ZMAT4: variants seen among roughly 807,000 people sequenced by gnomAD.
ZMAT4 encodes the protein zinc finger matrin-type protein 4.
ZMAT4 carries 17 observed loss-of-function variants against 28.7 expected under a neutral mutation model. The observed-to-expected ratio is 0.59, with a 90% confidence interval of 0.41 to 0.89. The LOEUF (loss-of-function observed/expected upper bound fraction) is 0.89, where lower values mean the gene tolerates loss of function less well. Ranked by LOEUF, ZMAT4 falls within the 40% of genes least tolerant of loss-of-function variation. The probability of loss-of-function intolerance (pLI) is 0.00; values close to 1 mark genes in which losing one functional copy is unlikely to be tolerated. For missense variants in ZMAT4, 240 were observed against 283.8 expected, an observed-to-expected ratio of 0.85 and a Z score of 1.11; for synonymous variants, 117 against 109.2, an observed-to-expected ratio of 1.07 and a Z score of -0.44.
intron 6 of ZMAT4, among the ~76,000 whole-genome samples, chr8:40,564,739 G>T (rs948775788): frequency 7.9e-5 from 12 of 152,134 alleles, no homozygotes; most frequent in African/African-American, 2.4e-4. Flanking sequence ...GATATTCATT[G>T]ATTTTAGTCA....
chr8:40,648,482 C>G lies in ZMAT4; in HGVS notation c.577+26222G>C, dbSNP rs187879055. Among the ~76,000 whole-genome samples the G allele has an allele frequency of 4.8e-3, 731 of 151,276 alleles. 7 individuals carry two copies. The highest frequency in any genetic ancestry group is 0.017 in the African/African-American group (691 of 41,206). On this transcript the variant is annotated intron_variant, in intron 5 of 6. Transcript: ENST00000297737. ...CGGAAAGTGATGGGGAGAATGGAACCAAGTTGGAAAACACGCTGCAGGATA... is the reference window on the plus strand; with the variant it reads ...CGGAAAGTGATGGGGAGAATGGAACGAAGTTGGAAAACACGCTGCAGGATA...
At chr8:40,629,206 A>T (rs1391735212) in intron 5 of ZMAT4, among the ~76,000 whole-genome samples, 1 of 151,750 alleles carries the variant, frequency 6.6e-6, no homozygotes, top group Non-Finnish European at 1.5e-5. Flanking sequence ...GTGAGTAAAA[A>T]ATTGATTTGT....
intron 6 of ZMAT4, among the ~76,000 whole-genome samples, chr8:40,534,976 T>A (rs898053178): frequency 6.6e-5 from 10 of 151,996 alleles, no homozygotes; most frequent in African/African-American, 2.4e-4. Flanking sequence ...AGCCACTGCG[T>A]CCGGCCCACA....
chr8:40,603,573 T>C (rs1264874167), intron 5 of ZMAT4, among the ~76,000 whole-genome samples: 1 of 152,208 alleles, frequency 6.6e-6, no homozygotes, highest in Non-Finnish European at 1.5e-5. Flanking sequence ...GATAGGTGTT[T>C]CCATTTGTTT....
At chr8:40,707,422 A>G (rs1035227584) in intron 3 of ZMAT4, among the ~76,000 whole-genome samples, 1 of 152,172 alleles carries the variant, frequency 6.6e-6, no homozygotes, top group Admixed American at 6.5e-5. Context: ...CTGTAAGTGT[A>G]TTGGATATCA....
At chr8:40,647,777 C>T (rs936822510) in intron 5 of ZMAT4, among the ~76,000 whole-genome samples, 19 of 151,338 alleles carry the variant, frequency 1.3e-4, no homozygotes, top group Non-Finnish European at 1.6e-4. Flanking sequence ...CCCTGACCCC[C>T]GAGCAGCCTA....
At position 40,713,032 on chromosome 8, in the gene ZMAT4, G is replaced by A. The variant is rs562244054; in HGVS notation, c.193-15631C>T. Among the ~76,000 whole-genome samples the A allele has an allele frequency of 7.9e-5, 12 of 151,968 alleles. No homozygotes were observed. In the East Asian group the frequency reaches 2.3e-3, roughly 29 times the overall value. Reference sequence around the variant, plus strand: ...TAAGATAATTTTGAAAATCAAAAATGAGAAGTGGTTGTAGTCTGAAATGTG... The same window carrying A: ...TAAGATAATTTTGAAAATCAAAAATAAGAAGTGGTTGTAGTCTGAAATGTG... On this transcript the variant is annotated intron_variant, in intron 3 of 6. Coordinates refer to ENST00000297737, the MANE Select transcript of ZMAT4 (RefSeq NM_024645.3).
At chr8:40,608,255 G>T (rs532144669) in intron 5 of ZMAT4, among the ~76,000 whole-genome samples, 1 of 152,284 alleles carries the variant, frequency 6.6e-6, no homozygotes, top group Non-Finnish European at 1.5e-5. Context: ...TGCTGTAGCT[G>T]CTGTTGGAGA....
chr8:40,533,963 T>G (rs913543968), intron 6 of ZMAT4, among the ~76,000 whole-genome samples: 2 of 152,266 alleles, frequency 1.3e-5, no homozygotes, highest in Non-Finnish European at 2.9e-5. Context: ...GATGAACACT[T>G]TTGAGATTAA....
intron 5 of ZMAT4, among the ~76,000 whole-genome samples, chr8:40,598,560 T>G (rs1021165153): frequency 3.3e-5 from 5 of 152,196 alleles, no homozygotes; most frequent in Non-Finnish European, 5.9e-5. Flanking sequence ...TTTATATAGC[T>G]GCATAGTATT....
intron 6 of ZMAT4, among the ~76,000 whole-genome samples, chr8:40,551,761 A>G (rs2118424506): frequency 6.6e-6 from 1 of 152,320 alleles, no homozygotes; most frequent in Non-Finnish European, 1.5e-5. Context: ...TATTTTAAGA[A>G]ATGTGATTTA....
At chr8:40,739,446 G>A (rs747131782) in intron 3 of ZMAT4, among the ~76,000 whole-genome samples, 5 of 152,126 alleles carry the variant, frequency 3.3e-5, no homozygotes, top group African/African-American at 4.8e-5. Context: ...GAATATTAAA[G>A]TGTGTAAGAC....
intron 5 of ZMAT4, among the ~76,000 whole-genome samples, chr8:40,651,125 G>A (rs1029691388): frequency 2.6e-5 from 4 of 152,076 alleles, no homozygotes; most frequent in African/African-American, 9.7e-5. Context: ...TAGGAAAAGA[G>A]GAAGTCAAAT....
chr8:40,850,738 A>AGT (rs1563526676), intron 1 of ZMAT4, among the ~76,000 whole-genome samples: 18 of 152,186 alleles, frequency 1.2e-4, no homozygotes, highest in Non-Finnish European at 1.9e-4. Flanking sequence ...CCCCAGAGAC[A>AGT]TTACGTAAAC....
At chr8:40,820,867 G>T (rs1368510022) in intron 2 of ZMAT4, among the ~76,000 whole-genome samples, 1 of 124,934 alleles carries the variant, frequency 8.0e-6, no homozygotes, top group South Asian at 2.6e-4. Context: ...GTGTTTGTGT[G>T]TTTATGTGTG....
intron 3 of ZMAT4, among the ~76,000 whole-genome samples, chr8:40,761,628 T>G (rs1226753036): frequency 1.3e-5 from 2 of 152,244 alleles, no homozygotes; most frequent in Non-Finnish European, 2.9e-5. Flanking sequence ...TCCAACTACC[T>G]GATGAACTCC....
At chr8:40,776,443 T>G (rs1813600591) in intron 2 of ZMAT4, among the ~76,000 whole-genome samples, 1 of 152,190 alleles carries the variant, frequency 6.6e-6, no homozygotes, top group South Asian at 2.1e-4. Context: ...GTTACAATTT[T>G]AAATAAAAGT....
intron 6 of ZMAT4, 65 bp from the exon 7 acceptor site, chr8:40,532,303 TC>T (rs112272796): frequency 9.1e-5 from 133 of 1,458,522 alleles, no homozygotes; most frequent in East Asian, 9.0e-4. Flanking sequence ...CACCTCTTTC[TC>T]CCCCCCACCC....
intron 5 of ZMAT4, among the ~76,000 whole-genome samples, chr8:40,625,826 G>T (rs1806354034): frequency 2.4e-5 from 1 of 41,426 alleles, no homozygotes; most frequent in South Asian, 1.8e-3. Context: ...GACCAGACTG[G>T]GGGGCTGGGC....
Sources: allele counts gnomAD v4.1 joint callset (sites outside exome capture counted in the v4.1 genomes callset), GRCh38; gene constraint gnomAD v4.1.1; transcripts MANE v1.5; gene names NCBI Gene and HGNC (gene_info 2026-07-23, HGNC 2026-07-21).